Variants in PDE1C observed in about 807,000 individuals in gnomAD.
PDE1C encodes dual specificity calcium/calmodulin-dependent 3',5'-cyclic nucleotide phosphodiesterase 1C.
In PDE1C, 62 loss-of-function variants were observed where a neutral mutation model predicts 93.1. The observed-to-expected ratio is 0.67, with a 90% CI of 0.54 to 0.82. PDE1C has a LOEUF of 0.82. Among genes scored for constraint, PDE1C ranks in the 40% least tolerant of loss-of-function variants. The pLI is 0.00. For synonymous variants in PDE1C, 325 were observed against 310.1 expected, an observed-to-expected ratio of 1.05 and a Z score of -0.50; for missense variants, 742 against 884.6, an observed-to-expected ratio of 0.84 and a Z score of 2.04.
At chr7:31,645,619 T>C in the PDE1C span, among the ~76,000 whole-genome samples, 1 of 152,080 alleles carries the variant, frequency 6.6e-6, no homozygotes, top group African/African-American at 2.4e-5. Flanking sequence ...ACCACCACCA[T>C]CATCATTATT....
Position 31,853,314 on chromosome 7 carries a change from T to A in PDE1C, c.751-2573A>T, listed in dbSNP as rs117388463. ...CATGCATGCTTAGAATCAGTTATGC[T>A]GCTTTGGGGATAAGAAGAAAGAAAA... On this transcript the variant is annotated intron_variant, in intron 7 of 17. Transcript: ENST00000396191. 3.6e-3 allele frequency among the ~76,000 whole-genome samples: 543 copies of A among 152,338 alleles called. 2 individuals are homozygous for A. The highest frequency in any genetic ancestry group is 3.8e-3 in the Non-Finnish European group (260 of 68,040).
At chr7:31,741,359 C>T in the PDE1C span, among the ~76,000 whole-genome samples, 9 of 152,050 alleles carry the variant, frequency 5.9e-5, no homozygotes, top group Non-Finnish European at 1.2e-4. Context: ...CAATCCTTTA[C>T]CATATTTTAA....
At position 31,815,984 on chromosome 7, in the gene PDE1C, C is replaced by T; in HGVS notation, c.1753G>A (p.Asp585Asn). Residue 585 changes from aspartate to asparagine, a missense_variant, in exon 15 of 18, where the codon GAC becomes AAC. Coordinates refer to ENST00000396191, the MANE Select transcript of PDE1C (RefSeq NM_001191057.4). The stretch of plus-strand genomic sequence containing the variant: ...TTGGAGTTTTTCCCACGAGGGTTGT[C>T]ACTTTTGTTTGCCCGTGTTCCATTG... ...QVNGTRANKS[D>N]NPRGKNSKAE... The T allele has an allele frequency of 1.2e-6, 2 of 1,614,012 alleles. No individual in the cohort carries two copies. Among genetic ancestry groups the T allele is most frequent in the Non-Finnish European group, 1.7e-6 (2 of 1,179,910 alleles).
intron 16 of PDE1C, chr7:31,784,540 A>G (rs766473808): frequency 1.3e-5 from 2 of 152,110 alleles, no homozygotes; most frequent in Non-Finnish European, 2.9e-5. Flanking sequence ...TACGTGCTAA[A>G]ATGATACTGC....
At chr7:31,805,407 A>G (rs1386433007) in intron 16 of PDE1C, among the ~76,000 whole-genome samples, 2 of 151,960 alleles carry the variant, frequency 1.3e-5, no homozygotes, top group East Asian at 2.0e-4. Flanking sequence ...GAAACTGACA[A>G]TAAGGGAGTA....
At chr7:31,872,793 T>C (rs993164174) in intron 6 of PDE1C, among the ~76,000 whole-genome samples, 1 of 152,098 alleles carries the variant, frequency 6.6e-6, no homozygotes, top group Admixed American at 6.5e-5. Flanking sequence ...TTATGTAAAG[T>C]TGAAGAATCA....
chr7:32,049,516 G>A (rs906783045), intron 2 of PDE1C, among the ~76,000 whole-genome samples: 43 of 152,170 alleles, frequency 2.8e-4, no homozygotes, highest in African/African-American at 9.9e-4. Flanking sequence ...GGCCCAAATA[G>A]AAACAGAAAC....
At chr7:31,767,016 T>C (rs1795188407) in intron 17 of PDE1C, among the ~76,000 whole-genome samples, 1 of 152,320 alleles carries the variant, frequency 6.6e-6, no homozygotes, top group Admixed American at 6.5e-5. Flanking sequence ...AAAAACAAGA[T>C]AGACCTGGAT....
chr7:31,655,077 T>G, the PDE1C span, among the ~76,000 whole-genome samples: 1 of 152,166 alleles, frequency 6.6e-6, no homozygotes, highest in African/African-American at 2.4e-5. Flanking sequence ...ATGACCCTGA[T>G]TCCCAGCTCT....
At chr7:32,283,226 C>A (rs1365452324) in intron 1 of PDE1C, among the ~76,000 whole-genome samples, 1 of 152,118 alleles carries the variant, frequency 6.6e-6, no homozygotes, top group Non-Finnish European at 1.5e-5. Context: ...GAAGAATATT[C>A]ATATGAAAAG....
At chr7:32,195,407 G>C (rs867552944) in intron 2 of PDE1C, among the ~76,000 whole-genome samples, 1 of 152,142 alleles carries the variant, frequency 6.6e-6, no homozygotes, top group Admixed American at 6.5e-5. Context: ...GGGGATTCTA[G>C]GTTGACAGTT....
chr7:32,161,735 T>C (rs1466962116), intron 3 of PDE1C, among the ~76,000 whole-genome samples: 1 of 152,106 alleles, frequency 6.6e-6, no homozygotes, highest in African/African-American at 2.4e-5. Flanking sequence ...ATTGGCAGGG[T>C]GAGTTAGGTG....
chr7:32,387,764 G>A (rs1784666014), intron 1 of PDE1C, among the ~76,000 whole-genome samples: 1 of 132,256 alleles, frequency 7.6e-6, no homozygotes, highest in African/African-American at 3.3e-5. Flanking sequence ...CCGGGCAGAG[G>A]CGCCCCTCAC....
rs975235561 is a variant in PDE1C, at chr7:32,203,000, C to G, written c.136+6489G>C. On this transcript the variant is annotated intron_variant, in intron 2 of 18. Coordinates refer to the PDE1C transcript ENST00000396193. ...GAGCAACAACTTCCTGTTTGCTCCT[C>G]CCCACACCCAGCTCCTAGCAAACAC... is the stretch of plus-strand genomic sequence containing the variant. Among the ~76,000 whole-genome samples the G allele has an allele frequency of 3.9e-5, 6 of 152,124 alleles. No individual in the cohort carries two copies. The South Asian group carries it at 8.3e-4, about 21-fold the overall frequency.
chr7:32,079,667 G>C (rs1434807341), intron 3 of PDE1C, among the ~76,000 whole-genome samples: 1 of 152,168 alleles, frequency 6.6e-6, no homozygotes, highest in Non-Finnish European at 1.5e-5. Flanking sequence ...TTCTCCACAC[G>C]GTTTCTCCTC....
the PDE1C span, among the ~76,000 whole-genome samples, chr7:31,732,629 C>CT: frequency 3.2e-4 from 35 of 108,840 alleles, no homozygotes; most frequent in African/African-American, 1.3e-3. Context: ...CTCTCTCTCT[C>CT]CTCTCTTTCT....
chr7:31,836,414 A>G (rs1040866767), intron 11 of PDE1C, among the ~76,000 whole-genome samples: 7 of 152,090 alleles, frequency 4.6e-5, no homozygotes, highest in Admixed American at 4.6e-4. Context: ...GGCTAACTGC[A>G]ACCTCCATCT....
At chr7:32,206,855 C>G (rs190459965) in intron 2 of PDE1C, among the ~76,000 whole-genome samples, 15 of 152,346 alleles carry the variant, frequency 9.8e-5, no homozygotes, top group Admixed American at 7.2e-4. Flanking sequence ...TCACACAGCG[C>G]ACTCAAGTCA....
chr7:32,424,977 G>A (rs977484491), intron 1 of PDE1C, among the ~76,000 whole-genome samples: 14 of 152,162 alleles, frequency 9.2e-5, no homozygotes, highest in Admixed American at 2.6e-4. Flanking sequence ...TTTACTAGCT[G>A]TGTGACTAAT....
Sources: allele counts gnomAD v4.1 joint callset (sites outside exome capture counted in the v4.1 genomes callset), GRCh38; gene constraint gnomAD v4.1.1; transcripts MANE v1.5; gene names NCBI Gene and HGNC (gene_info 2026-07-23, HGNC 2026-07-21).